Variants in C1orf87 observed in about 807,000 individuals in gnomAD.
C1orf87 encodes uncharacterized protein C1orf87.
C1orf87 carries 58 observed loss-of-function variants against 60.5 expected under a neutral mutation model. The observed-to-expected ratio is 0.96, with a 90% CI of 0.78 to 1.19. The LOEUF (loss-of-function observed/expected upper bound fraction) is 1.19. Ranked by LOEUF, C1orf87 falls within the 50% of genes most tolerant of loss-of-function variation. C1orf87 has a pLI of 0.00. For synonymous variants in C1orf87, 236 were observed against 227.4 expected (o/e 1.04, Z -0.34); for missense variants, 673 against 638.6 (o/e 1.05, Z -0.58).
chr1:60,003,198 A>G (rs1175004370), intron 9 of C1orf87, among the ~76,000 whole-genome samples: 2 of 148,254 alleles, frequency 1.3e-5, no homozygotes, highest in African/African-American at 2.5e-5. Flanking sequence ...GGAAATCATC[A>G]TTCTCAGTAA....
intron 8 of C1orf87, among the ~76,000 whole-genome samples, chr1:60,016,267 T>C (rs1289017769): frequency 6.6e-6 from 1 of 152,150 alleles, no homozygotes; most frequent in Non-Finnish European, 1.5e-5. Flanking sequence ...AACCAACTCA[T>C]GGGGTTGCTG....
intron 9 of C1orf87, among the ~76,000 whole-genome samples, chr1:60,006,765 C>A (rs1645048970): frequency 6.6e-6 from 1 of 152,054 alleles, no homozygotes; most frequent in African/African-American, 2.4e-5. Flanking sequence ...CATCATATTT[C>A]TTAGATCTGT....
intron 3 of C1orf87, among the ~76,000 whole-genome samples, chr1:60,049,856 A>G (rs11799405): frequency 0.013 from 1,968 of 152,250 alleles, 39 homozygotes; most frequent in African/African-American, 0.045. Flanking sequence ...ACTGATTAAA[A>G]TGTCCATCTG....
At chr1:60,065,794 A>G (rs528737722) in intron 2 of C1orf87, among the ~76,000 whole-genome samples, 4 of 152,266 alleles carry the variant, frequency 2.6e-5, no homozygotes, top group Non-Finnish European at 4.4e-5. Flanking sequence ...GCTTTAGGAG[A>G]GTCACATGGG....
At chr1:60,021,468 C>T (rs1187124106) in intron 8 of C1orf87, among the ~76,000 whole-genome samples, 2 of 152,100 alleles carry the variant, frequency 1.3e-5, no homozygotes, top group Admixed American at 6.6e-5. Flanking sequence ...GTAAGGAAGG[C>T]CTTCTTCAAG....
intron 3 of C1orf87, among the ~76,000 whole-genome samples, chr1:60,049,122 A>T (rs924800207): frequency 1.3e-5 from 2 of 152,026 alleles, no homozygotes; most frequent in African/African-American, 4.8e-5. Context: ...ATTTTCTTAT[A>T]AAAAAATGTA....
At chr1:59,997,990 G>T (rs1202728322) in intron 10 of C1orf87, among the ~76,000 whole-genome samples, 174 bp from the exon 11 acceptor site, 2 of 152,158 alleles carry the variant, frequency 1.3e-5, no homozygotes, top group Admixed American at 6.5e-5. Flanking sequence ...GCCAAATCTT[G>T]CTGGATACAA....
At chr1:59,990,860 G>GT (rs773913726) in intron 11 of C1orf87, 27 bp from the exon 12 acceptor site, 1 of 1,608,024 alleles carries the variant, frequency 6.2e-7, no homozygotes. Context: ...TAGGAGGAAG[G>GT]TTTTTTAAAG....
intron 5 of C1orf87, among the ~76,000 whole-genome samples, chr1:60,038,670 A>T (rs1645296319): frequency 6.6e-6 from 1 of 152,128 alleles, no homozygotes; most frequent in South Asian, 2.1e-4. Flanking sequence ...CACATATCTT[A>T]TACATTTATT....
At chr1:60,009,511 C>T (rs1239784360) in intron 9 of C1orf87, among the ~76,000 whole-genome samples, 2 of 151,984 alleles carry the variant, frequency 1.3e-5, no homozygotes, top group African/African-American at 2.4e-5. Context: ...TTTTATCCCT[C>T]AGCTTTGGAT....
intron 9 of C1orf87, among the ~76,000 whole-genome samples, chr1:60,001,786 C>T (rs1645007435): frequency 6.6e-6 from 1 of 152,110 alleles, no homozygotes; most frequent in Non-Finnish European, 1.5e-5. Flanking sequence ...TCCTTCCTTG[C>T]TTCTTTCAAT....
At chr1:60,007,110 C>T (rs373368905) in intron 9 of C1orf87, among the ~76,000 whole-genome samples, 5 of 152,100 alleles carry the variant, frequency 3.3e-5, no homozygotes, top group South Asian at 4.2e-4. Context: ...CAGGGTTTCA[C>T]CTTGTTGCCC....
chr1:60,026,700 A>G (rs74414241), intron 7 of C1orf87, among the ~76,000 whole-genome samples: 1 of 152,230 alleles, frequency 6.6e-6, no homozygotes, highest in African/African-American at 2.4e-5. Context: ...AAATGAATAT[A>G]TAAGTAAATA....
At chr1:60,008,607 C>A (rs933525832) in intron 9 of C1orf87, 1 of 426,198 alleles carries the variant, frequency 2.3e-6, no homozygotes, top group East Asian at 7.2e-5. Context: ...GGGATGCACA[C>A]ACACAGAGGA....
intron 3 of C1orf87, among the ~76,000 whole-genome samples, chr1:60,045,327 A>T (rs927449185): frequency 1.3e-5 from 2 of 152,210 alleles, no homozygotes; most frequent in Admixed American, 6.5e-5. Flanking sequence ...GTAGACTTAG[A>T]AAAAAATGTA....
intron 9 of C1orf87, among the ~76,000 whole-genome samples, chr1:60,003,439 T>G (rs1017424207): frequency 1.3e-5 from 2 of 151,820 alleles, no homozygotes; most frequent in African/African-American, 2.4e-5. Flanking sequence ...ACCTGCACAA[T>G]GTGCACATGT....
At chr1:60,029,625 CT>C (rs1645222496) in intron 7 of C1orf87, among the ~76,000 whole-genome samples, 1 of 145,396 alleles carries the variant, frequency 6.9e-6, no homozygotes. Flanking sequence ...ATCTCTTCCC[CT>C]GTCCCCCCAA....
chr1:59,993,055 A>G (rs995724098), intron 11 of C1orf87, among the ~76,000 whole-genome samples: 3 of 152,116 alleles, frequency 2.0e-5, no homozygotes, highest in Non-Finnish European at 4.4e-5. Context: ...AATATAAGAC[A>G]TGGATTTGGA....
intron 2 of C1orf87, among the ~76,000 whole-genome samples, chr1:60,067,248 C>A (rs1445415673): frequency 1.3e-5 from 2 of 152,178 alleles, no homozygotes. Flanking sequence ...ACACTGTCTT[C>A]CACAATGGTT....
Sources: gnomAD v4.1 joint callset for allele counts (sites outside exome capture counted in the v4.1 genomes callset) on GRCh38, gnomAD v4.1.1 for gene constraint, MANE v1.5 for transcripts, NCBI Gene and HGNC (gene_info 2026-07-23, HGNC 2026-07-21) for gene names.